Variants in KDM4C observed in about 807,000 individuals in gnomAD.
KDM4C encodes lysine demethylase 4C, also known as lysine-specific demethylase 4C.
Under a neutral mutation model 129.3 loss-of-function variants are expected in KDM4C, and 81 were observed. The observed-to-expected ratio is 0.63, with a 90% CI of 0.52 to 0.75. The LOEUF (loss-of-function observed/expected upper bound fraction) is 0.75, where lower values mean the gene tolerates loss of function less well. Ranked by LOEUF, KDM4C falls within the 30% of genes least tolerant of loss-of-function variation. The pLI is 0.00. For synonymous variants in KDM4C, 573 were observed against 456.1 expected (o/e 1.26, Z -3.26); for missense variants, 1,457 against 1,304.0 (o/e 1.12, Z -1.81).
chr9:6,947,127 G>A (rs1294629024), intron 8 of KDM4C, among the ~76,000 whole-genome samples: 2 of 152,132 alleles, frequency 1.3e-5, no homozygotes, highest in African/African-American at 4.8e-5. Flanking sequence ...CCTTCCCAGT[G>A]TAATCTCTGG....
intron 19 of KDM4C, among the ~76,000 whole-genome samples, chr9:7,151,054 T>G (rs1842682656): frequency 6.6e-6 from 1 of 152,134 alleles, no homozygotes; most frequent in Non-Finnish European, 1.5e-5. Flanking sequence ...CTCACACCTG[T>G]AATCCCAGCA....
chr9:6,872,601 G>T (rs1022334390), intron 5 of KDM4C, among the ~76,000 whole-genome samples: 3 of 152,144 alleles, frequency 2.0e-5, no homozygotes, highest in Non-Finnish European at 4.4e-5. Flanking sequence ...TTGTTGCATT[G>T]ATCCCTTTAC....
At chr9:7,033,142 G>T (rs1190577543) in intron 15 of KDM4C, among the ~76,000 whole-genome samples, 1 of 129,644 alleles carries the variant, frequency 7.7e-6, no homozygotes, top group Non-Finnish European at 1.7e-5. Flanking sequence ...TTTTATGCTG[G>T]ATTTTTTTTT....
At chr9:6,837,329 T>G (rs7027427) in intron 4 of KDM4C, among the ~76,000 whole-genome samples, 1,685 of 152,322 alleles carry the variant, frequency 0.011, 31 homozygotes, top group African/African-American at 0.037. Context: ...AGTATTACGA[T>G]TACAGGCGTG....
chr9:7,135,604 T>C (rs1841117358), intron 19 of KDM4C, among the ~76,000 whole-genome samples: 2 of 139,164 alleles, frequency 1.4e-5, no homozygotes, highest in Non-Finnish European at 3.1e-5. Context: ...CGTTCTGAGC[T>C]ATGTGTTGAA....
At chr9:6,881,400 G>C (rs1432332689) in intron 6 of KDM4C, among the ~76,000 whole-genome samples, 1 of 152,102 alleles carries the variant, frequency 6.6e-6, no homozygotes, top group Non-Finnish European at 1.5e-5. Context: ...AATAAGTTTT[G>C]GATAATAGAT....
intron 12 of KDM4C, among the ~76,000 whole-genome samples, chr9:7,009,971 T>C (rs965013577): frequency 6.6e-6 from 1 of 152,214 alleles, no homozygotes; most frequent in African/African-American, 2.4e-5. Flanking sequence ...GCATAAAATA[T>C]ATGCAGATAC....
intron 17 of KDM4C, among the ~76,000 whole-genome samples, chr9:7,052,894 A>AGAGAGAGAGAGAGAGAGAGAGAGAGC (rs1339242817): frequency 0.016 from 1,679 of 104,916 alleles, 254 homozygotes; most frequent in Non-Finnish European, 0.021. Flanking sequence ...AGAGAGAGAG[A>AGAGAGAGAGAGAGAGAGAGAGAGAGC]GAGAGAGCGA....
At chr9:7,008,569 A>G (rs1358787677) in intron 12 of KDM4C, among the ~76,000 whole-genome samples, 2 of 152,192 alleles carry the variant, frequency 1.3e-5, no homozygotes, top group African/African-American at 4.8e-5. Context: ...CAGGTCTACC[A>G]TAGAAGACCC....
At chr9:6,919,545 G>GTCTGTCTATCTA (rs1233591405) in intron 8 of KDM4C, among the ~76,000 whole-genome samples, 42 of 79,460 alleles carry the variant, frequency 5.3e-4, no homozygotes, top group African/African-American at 1.4e-3. Context: ...CTGTCTGTCT[G>GTCTGTCTATCTA]TCTATCTATC....
intron 12 of KDM4C, among the ~76,000 whole-genome samples, chr9:7,001,446 G>A (rs1230351192): frequency 1.3e-5 from 2 of 152,202 alleles, no homozygotes; most frequent in African/African-American, 2.4e-5. Flanking sequence ...GGACCCCCAG[G>A]AGAAGATTGA....
In KDM4C at chr9:6,729,796, G is replaced by A. The variant is rs760077193; in HGVS notation, c.49+8799G>A. Among the ~76,000 whole-genome samples the A allele has an allele frequency of 5.2e-5, 7 of 133,960 alleles. 3 individuals are homozygous for A. Among genetic ancestry groups the A allele is most frequent in the African/African-American group, 1.6e-4 (5 of 31,486 alleles). The allele number at this position is 133,960 out of a possible 152,430, so 87.9% of individuals were successfully genotyped here. A position where few individuals can be genotyped will look rare whatever the true frequency, so the allele number is the denominator to read the frequency against. Reference sequence around the variant, plus strand: ...GGTCACTTTGGGCCTAAATACTGACGAGATAAAAAAGGCTTAATAAAGCCT... The same window carrying A: ...GGTCACTTTGGGCCTAAATACTGACAAGATAAAAAAGGCTTAATAAAGCCT... On this transcript the variant is annotated intron_variant, in intron 1 of 17. Transcript: ENST00000536108.
Position 7,028,697 on chromosome 9 carries a change from C to T in KDM4C, c.2259+12768C>T, listed in dbSNP as rs559265858. Among the ~76,000 whole-genome samples, 6 of 152,116 alleles carry T rather than the reference C, an allele frequency of 3.9e-5. No individual in the cohort carries two copies. The South Asian group carries it at 1.0e-3, about 26-fold the overall frequency. Reference sequence around the variant, plus strand: ...CCTAGACTGCCTTTCATGTTTATTTCGCACCCCAGAGTACTCTAGCCCGTG... The same window carrying T: ...CCTAGACTGCCTTTCATGTTTATTTTGCACCCCAGAGTACTCTAGCCCGTG... On this transcript the variant is annotated intron_variant, in intron 15 of 21. Coordinates refer to ENST00000381309, the MANE Select transcript of KDM4C (RefSeq NM_015061.6).
intron 2 of KDM4C, among the ~76,000 whole-genome samples, chr9:6,795,608 A>G (rs750982513): frequency 1.3e-5 from 2 of 152,140 alleles, no homozygotes; most frequent in African/African-American, 2.4e-5. Flanking sequence ...CTGGGATTAT[A>G]GGCATGAGCC....
chr9:6,984,241 G>A lies in KDM4C; in HGVS notation c.1191G>A (p.Gly397=). The A allele has an allele frequency of 6.2e-7, 1 of 1,613,922 alleles. No homozygotes were observed. The highest frequency in any genetic ancestry group is 8.5e-7 in the Non-Finnish European group (1 of 1,179,876). ...EEEEVSDEVD[G]AEVPNPDSVT... is the part of the protein sequence containing the mutation. ...AGGAAGTGTCAGATGAAGTCGATGG[G>A]GCAGAGGTCCCTAACCCCGACTCAG... Residue 397 remains glycine (G), a synonymous_variant, in exon 10 of 22, where the codon GGG becomes GGA. Coordinates refer to ENST00000381309, the MANE Select transcript of KDM4C (RefSeq NM_015061.6).
chr9:6,913,001 CAA>C (rs1819608820), intron 8 of KDM4C, among the ~76,000 whole-genome samples: 1 of 144,158 alleles, frequency 6.9e-6, no homozygotes, highest in African/African-American at 2.5e-5. Context: ...AGGAATTTAA[CAA>C]AAAATAAAAA....
chr9:7,160,175 C>G (rs1437144969), intron 19 of KDM4C, among the ~76,000 whole-genome samples: 1 of 152,200 alleles, frequency 6.6e-6, no homozygotes, highest in Non-Finnish European at 1.5e-5. Flanking sequence ...TGGTTTTCAG[C>G]TCTGTCAGGT....
At chr9:6,864,885 C>T (rs946284077) in intron 5 of KDM4C, among the ~76,000 whole-genome samples, 7 of 151,428 alleles carry the variant, frequency 4.6e-5, no homozygotes, top group Non-Finnish European at 8.8e-5. Flanking sequence ...CTTTCCTCTG[C>T]TTGATCAATT....
chr9:6,729,879 G>A (rs1238369745), intron 1 of KDM4C, among the ~76,000 whole-genome samples: 2 of 134,182 alleles, frequency 1.5e-5, no homozygotes, highest in African/African-American at 6.3e-5. Flanking sequence ...GGAGGGAGAG[G>A]CGGGCGGATC....
Sources: gnomAD v4.1 joint callset for allele counts (sites outside exome capture counted in the v4.1 genomes callset) on GRCh38, gnomAD v4.1.1 for gene constraint, MANE v1.5 for transcripts, NCBI Gene and HGNC (gene_info 2026-07-23, HGNC 2026-07-21) for gene names.